RYR3: variants seen among roughly 807,000 people sequenced by gnomAD.
RYR3 encodes ryanodine receptor 3, also known as brain ryanodine receptor-calcium release channel.
In RYR3, 207 loss-of-function variants were observed where a neutral mutation model predicts 584.3. The ratio of observed to expected loss-of-function variants is 0.35; its 90% CI spans 0.32 to 0.40. The LOEUF is 0.40. RYR3 is among the 10% of genes least tolerant of loss of function. RYR3 has a pLI of 1.00. For missense variants in RYR3, 5,616 were observed against 6,089.2 expected (o/e 0.92, Z 2.59); for synonymous variants, 2,416 against 2,248.5 (o/e 1.07, Z -2.11).
At chr15:33,820,836 A>G in intron 78 of RYR3, 24 bp downstream of exon 78, 2 of 1,472,152 alleles carry the variant, frequency 1.4e-6, no homozygotes, top group South Asian at 2.5e-5. Flanking sequence ...AAGAATAAAA[A>G]TAGAGCCACC....
intron 91 of RYR3, among the ~76,000 whole-genome samples, chr15:33,843,058 G>A (rs1157516610): frequency 7.2e-5 from 11 of 151,842 alleles, no homozygotes; most frequent in African/African-American, 2.4e-4. Context: ...GGTGGCTCAC[G>A]CCTGTAATCC....
At chr15:33,637,566 T>G (rs759026775) in intron 27 of RYR3, among the ~76,000 whole-genome samples, 28 of 152,238 alleles carry the variant, frequency 1.8e-4, no homozygotes, top group South Asian at 4.1e-4. Context: ...CTGTAGATGA[T>G]GAGGGCTCCT....
chr15:33,722,697 A>T lies in RYR3; in HGVS notation c.6620-18A>T, dbSNP rs1361709250. ...TTGTCCTTTTCATTGAGAAGGAAAC[A>T]GTGCCTGTCTTCCTCAGGTGAGAGT... On this transcript the variant is annotated intron_variant, in intron 43 of 103. Coordinates refer to ENST00000634891, the MANE Select transcript of RYR3 (RefSeq NM_001036.6). The T allele has an allele frequency of 1.9e-6, 3 of 1,605,604 alleles. No homozygotes were observed. The highest frequency in any genetic ancestry group is 1.7e-5 in the Admixed American group (1 of 59,384).
At position 33,390,565 on chromosome 15, in the gene RYR3, T is replaced by C. The variant is rs1000255694; in HGVS notation, c.51+79469T>C. On this transcript the variant is annotated intron_variant, in intron 1 of 103. Coordinates refer to ENST00000634891, the MANE Select transcript of RYR3 (RefSeq NM_001036.6). The surrounding 1 kb of genome is among the most constrained non-coding windows in gnomAD (Gnocchi z 4.2). The stretch of plus-strand genomic sequence containing the variant: ...GGGGTGATAGGTGTGGAGAGAAGAG[T>C]TAACAAAGCAGGCATGAGGAGGCTA... Among the ~76,000 whole-genome samples the C allele has an allele frequency of 2.6e-5, 4 of 152,030 alleles. No individual in the cohort carries two copies. The highest frequency in any genetic ancestry group is 5.9e-5 in the Non-Finnish European group (4 of 67,998).
chr15:33,700,950 C>G, intron 41 of RYR3, 27 bp from the exon 42 acceptor site: 2 of 1,554,826 alleles, frequency 1.3e-6, no homozygotes, highest in Non-Finnish European at 1.8e-6. Context: ...CTGTCCTTTT[C>G]TTGCTAATTC....
intron 2 of RYR3, among the ~76,000 whole-genome samples, chr15:33,498,293 CA>C (rs2051623373): frequency 1.3e-5 from 2 of 152,174 alleles, no homozygotes; most frequent in Non-Finnish European, 2.9e-5. Flanking sequence ...TACTAATTTA[CA>C]TTCCCACCAA....
In RYR3 at chr15:33,584,391, G is replaced by A; in HGVS notation, c.1574-4G>A. On this transcript the variant is annotated splice_region_variant and splice_polypyrimidine_tract_variant and intron_variant, in intron 14 of 103. Coordinates refer to ENST00000634891, the MANE Select transcript of RYR3 (RefSeq NM_001036.6). ...TCTATGATCAAACATCTCCTTGTTT[G>A]CAGCTGCTCTCATTCGCGGAAACAG... 1 of 1,562,068 alleles carries A rather than the reference G, an allele frequency of 6.4e-7. No homozygotes were observed. The highest frequency in any genetic ancestry group is 8.8e-7 in the Non-Finnish European group (1 of 1,136,004).
intron 1 of RYR3, among the ~76,000 whole-genome samples, chr15:33,406,995 A>G (rs909657011): frequency 1.6e-4 from 24 of 152,242 alleles, no homozygotes; most frequent in African/African-American, 5.5e-4. Context: ...GAATCAAGGC[A>G]TTGGCAGGAA....
At chr15:33,637,115 G>A (rs764060291) in intron 27 of RYR3, among the ~76,000 whole-genome samples, 2 of 152,082 alleles carry the variant, frequency 1.3e-5, no homozygotes, top group Non-Finnish European at 2.9e-5. Flanking sequence ...CACAGTCAGG[G>A]GCACGCTTCC....
intron 2 of RYR3, among the ~76,000 whole-genome samples, chr15:33,495,728 C>G (rs970612543): frequency 2.0e-5 from 3 of 152,058 alleles, no homozygotes; most frequent in Non-Finnish European, 1.5e-5. Context: ...AAACATTCAC[C>G]GTGTAACTTT....
At chr15:33,787,627 TTTG>T (rs2074820293) in intron 66 of RYR3, among the ~76,000 whole-genome samples, 1 of 152,196 alleles carries the variant, frequency 6.6e-6, no homozygotes, top group Non-Finnish European at 1.5e-5. Flanking sequence ...CCAGCCTCTT[TTTG>T]TTCATTTGTA....
chr15:33,577,430 A>G (rs7179026), intron 12 of RYR3, among the ~76,000 whole-genome samples: 3,974 of 152,274 alleles, frequency 0.026, 161 homozygotes, highest in African/African-American at 0.088. Context: ...ACATAGACCA[A>G]TAGAAGAGAA....
chr15:33,780,482 T>G (rs186954743), intron 65 of RYR3, 141 bp downstream of exon 65: 29 of 751,610 alleles, frequency 3.9e-5, no homozygotes, highest in Non-Finnish European at 5.5e-5. Context: ...GGGACTAGGT[T>G]GCAGGTCTGC....
rs2073676728 is a variant in RYR3, at chr15:33,772,756, A to T, written c.9055+598A>T. Reference sequence around the variant, plus strand: ...TAATTTGACCAGTTGTTGATAGCTAAGACTATGTCTTTCATATCCTTGAAC... The same window carrying T: ...TAATTTGACCAGTTGTTGATAGCTATGACTATGTCTTTCATATCCTTGAAC... On this transcript the variant is annotated intron_variant, in intron 63 of 103. Coordinates refer to ENST00000634891, the MANE Select transcript of RYR3 (RefSeq NM_001036.6). Among the ~76,000 whole-genome samples, 5 of 152,238 alleles carry T rather than the reference A, an allele frequency of 3.3e-5. No individual in the cohort carries two copies. In the South Asian group the frequency reaches 1.0e-3, roughly 31 times the overall value.
At chr15:33,840,782 C>T (rs374561528) in intron 89 of RYR3, 43 bp from the exon 90 acceptor site, 13 of 1,593,468 alleles carry the variant, frequency 8.2e-6, no homozygotes, top group East Asian at 2.2e-5. Flanking sequence ...ATCATGACCT[C>T]GCTTCTTTGA....
At chr15:33,516,738 T>A (rs1274606615) in intron 3 of RYR3, among the ~76,000 whole-genome samples, 1 of 152,156 alleles carries the variant, frequency 6.6e-6, no homozygotes, top group East Asian at 1.9e-4. Context: ...GAAAGGGGAA[T>A]GCTGAGTCAG....
At chr15:33,465,429 A>T (rs1392524171) in intron 1 of RYR3, among the ~76,000 whole-genome samples, 3 of 152,136 alleles carry the variant, frequency 2.0e-5, no homozygotes, top group Non-Finnish European at 4.4e-5. Context: ...TTCAGTGTAC[A>T]TCTAGCATGC....
chr15:33,722,747 G>A lies in RYR3; in HGVS notation c.6652G>A (p.Val2218Ile), dbSNP rs2068037740. Residue 2218 changes from valine (V) to isoleucine (I), a missense_variant, in exon 44 of 104, where the codon GTC (valine) becomes ATC (isoleucine). Val to Ile is a conservative substitution (Grantham distance 29, BLOSUM62 3). Coordinates refer to ENST00000634891, the MANE Select transcript of RYR3 (RefSeq NM_001036.6). ...TGTGGAAGAAAACGCCAGCGTTGTG[G>A]TCAAGCTGCTCATCAGACGCCCAGA... is the stretch of plus-strand genomic sequence containing the variant. ...ESVEENASVV[V>I]KLLIRRPECF... 1 of 1,612,772 alleles carries A rather than the reference G, an allele frequency of 6.2e-7. No homozygotes were observed. The highest frequency in any genetic ancestry group is 1.3e-5 in the African/African-American group (1 of 74,950).
At chr15:33,482,005 A>G (rs1311478041) in intron 2 of RYR3, among the ~76,000 whole-genome samples, 1 of 152,100 alleles carries the variant, frequency 6.6e-6, no homozygotes, top group Non-Finnish European at 1.5e-5. Context: ...AACCTTTTAT[A>G]AAATTAATGT....
Sources: gnomAD v4.1 joint callset for allele counts (sites outside exome capture counted in the v4.1 genomes callset) on GRCh38, gnomAD v4.1.1 for gene constraint, Gnocchi (gnomAD v3.1) non-coding constraint, MANE v1.5 for transcripts, NCBI Gene and HGNC (gene_info 2026-07-23, HGNC 2026-07-21) for gene names.